ANO1: variants seen among roughly 807,000 people sequenced by gnomAD.
ANO1 encodes anoctamin-1.
Under a neutral mutation model 124.0 loss-of-function variants are expected in ANO1, and 59 were observed. The observed-to-expected ratio is 0.48, with a 90% CI of 0.39 to 0.59. ANO1 has a LOEUF of 0.59. Among genes scored for constraint, ANO1 ranks in the 20% least tolerant of loss-of-function variants. The pLI, the probability that ANO1 is intolerant of heterozygous loss-of-function variation, is 0.00. For missense variants in ANO1, 1,059 were observed against 1,328.0 expected (o/e 0.80, Z 3.15); for synonymous variants, 529 against 532.0 (o/e 0.99, Z 0.08).
rs377206237 is a variant in ANO1, at chr11:70,111,828, C to T, written c.855+66C>T. 7.2e-4 allele frequency: 1,095 copies of T among 1,520,334 alleles called. 3 individuals are homozygous for T. Among genetic ancestry groups the T allele is most frequent in the South Asian group, 1.1e-3 (101 of 88,796 alleles). The allele number at this position is 1,520,334 out of a possible 1,614,324, so 94.2% of individuals were successfully genotyped here. ...ACTCCCCAAATCCCGCCGGGCCACA[C>T]CCCCCCGGGAGCTGCAATTATCCTG... On this transcript the variant is annotated intron_variant, in intron 7 of 25. Transcript: ENST00000355303.
chr11:70,024,720 G>A (rs1257225549), intron 1 of ANO1, among the ~76,000 whole-genome samples: 1 of 152,232 alleles, frequency 6.6e-6, no homozygotes, highest in Non-Finnish European at 1.5e-5. Context: ...AGCTTGCAGA[G>A]CTGCCTCTGT....
Position 70,161,323 on chromosome 11 carries a change from G to C in ANO1, c.1741G>C (p.Glu581Gln). The change falls in exon 17 of 26, where the codon GAG becomes CAG. Residue 581 changes from glutamate to glutamine, a missense_variant. Coordinates refer to ENST00000355303, the MANE Select transcript of ANO1 (RefSeq NM_018043.7). Reference sequence around the variant, plus strand: ...CCTAGTGGTCATCATCCTCCTGGACGAGGTGTATGGCTGCATAGCCCGATG... The same window carrying C: ...CCTAGTGGTCATCATCCTCCTGGACCAGGTGTATGGCTGCATAGCCCGATG... ...INLVVIILLD[E>Q]VYGCIARWLT... The C allele has an allele frequency of 6.2e-7, 1 of 1,614,002 alleles. No homozygotes were observed. Among genetic ancestry groups the C allele is most frequent in the Non-Finnish European group, 8.5e-7 (1 of 1,179,902 alleles).
rs1478482490 is a variant in ANO1 at position 70,165,544 on chromosome 11, G to C, written c.2025G>C (p.Gln675His). Reference protein sequence around the residue: ...SIIMLGKQLIQNNLFEIGIPK... With the variant: ...SIIMLGKQLIHNNLFEIGIPK... ...TCATGCTGGGGAAACAGCTGATCCAGAACAACCTGTTCGAGATCGGCATCC... is the reference window on the plus strand; with the variant it reads ...TCATGCTGGGGAAACAGCTGATCCACAACAACCTGTTCGAGATCGGCATCC... The change falls in exon 20 of 26, where the codon CAG becomes CAC. Residue 675 changes from glutamine (Q) to histidine (H), a missense_variant. Physicochemically the swap from Gln to His is conservative, Grantham distance 24. Coordinates refer to ENST00000355303, the MANE Select transcript of ANO1 (RefSeq NM_018043.7). 27 of 1,611,942 alleles carry C rather than the reference G, an allele frequency of 1.7e-5. No homozygotes were observed. Among genetic ancestry groups the C allele is most frequent in the Non-Finnish European group, 2.2e-5 (26 of 1,179,222 alleles).
chr11:70,021,297 G>A (rs533934264), intron 1 of ANO1, among the ~76,000 whole-genome samples: 1 of 152,298 alleles, frequency 6.6e-6, no homozygotes, highest in Non-Finnish European at 1.5e-5. Context: ...AACTCCAAAT[G>A]CCAACGTGCT....
At chr11:70,141,733 G>A (rs2047161068) in intron 11 of ANO1, 1 of 152,176 alleles carries the variant, frequency 6.6e-6, no homozygotes. Context: ...CTCCTTGTGT[G>A]TTTTTTAATC....
intron 22 of ANO1, among the ~76,000 whole-genome samples, chr11:70,179,414 G>A (rs923738426): frequency 1.1e-4 from 17 of 152,218 alleles, no homozygotes; most frequent in Non-Finnish European, 2.4e-4. Flanking sequence ...AAGACGAATG[G>A]AGAGACCAGC....
rs572735290 is a variant in ANO1, at chr11:70,126,211, C to A, written c.1097+16C>A. 3.1e-6 allele frequency: 5 copies of A among 1,607,130 alleles called. No homozygotes were observed. In the Admixed American group the frequency reaches 8.4e-5, roughly 27 times the overall value. On this transcript the variant is annotated intron_variant, in intron 10 of 25. Coordinates refer to ENST00000355303, the MANE Select transcript of ANO1 (RefSeq NM_018043.7). ...ACATCCCCAGGTAGGCGGCAGCCCA[C>A]CCCCACCACCCCGCAGTACACAGAG...
At chr11:70,108,991 C>T (rs1409930600) in intron 6 of ANO1, among the ~76,000 whole-genome samples, 1 of 152,230 alleles carries the variant, frequency 6.6e-6, no homozygotes, top group Non-Finnish European at 1.5e-5. Flanking sequence ...AACCACCCCC[C>T]ACAGTGGGTC....
chr11:70,055,447 C>A (rs1256048115), intron 1 of ANO1, among the ~76,000 whole-genome samples: 7 of 151,730 alleles, frequency 4.6e-5, no homozygotes, highest in African/African-American at 1.7e-4. Context: ...AGTAAAATTT[C>A]TTATTTTGAA....
At chr11:69,968,268 G>T in the ANO1 span, among the ~76,000 whole-genome samples, 7 of 152,100 alleles carry the variant, frequency 4.6e-5, no homozygotes, top group Non-Finnish European at 8.8e-5. Flanking sequence ...TGAGCCAGGG[G>T]TGGTGGTGGG....
intron 25 of ANO1, among the ~76,000 whole-genome samples, chr11:70,186,395 G>GAAGGAAGGAAGGAAGGAAGGAAGGAAGA (rs1251399539): frequency 1.4e-5 from 2 of 145,980 alleles, no homozygotes; most frequent in African/African-American, 2.5e-5. Context: ...AGGAAGGAAG[G>GAAGGAAGGAAGGAAGGAAGGAAGGAAGA]AAGAAAGACA....
chr11:70,168,264 G>A (rs1012095811), intron 21 of ANO1, among the ~76,000 whole-genome samples: 9 of 152,110 alleles, frequency 5.9e-5, no homozygotes, highest in South Asian at 2.1e-4. Context: ...GCCTTTGCAC[G>A]AGATGTGCCC....
chr11:69,995,104 T>TTTTTTG (rs1554998191), intron 1 of ANO1, among the ~76,000 whole-genome samples: 3 of 141,676 alleles, frequency 2.1e-5, no homozygotes, highest in South Asian at 2.2e-4. Flanking sequence ...TTTTTTTTTT[T>TTTTTTG]TTTTTTTTTT....
chr11:69,981,115 G>A (rs2120253383), upstream of ANO1, among the ~76,000 whole-genome samples: 1 of 152,318 alleles, frequency 6.6e-6, no homozygotes, highest in African/African-American at 2.4e-5. Context: ...AGAAAAATAT[G>A]AAGGCAGTTA....
intron 1 of ANO1, among the ~76,000 whole-genome samples, chr11:70,029,500 A>G (rs1856964799): frequency 6.6e-6 from 1 of 152,194 alleles, no homozygotes; most frequent in Admixed American, 6.5e-5. Context: ...CTCCACCCCC[A>G]GATGACCTCA....
chr11:70,096,686 C>T (rs543751705), intron 2 of ANO1, among the ~76,000 whole-genome samples: 6 of 152,154 alleles, frequency 3.9e-5, no homozygotes, highest in South Asian at 2.1e-4. Context: ...CATAGTGAAA[C>T]CCCGTCTCTA....
Position 70,078,698 on chromosome 11 carries a change from T to C in ANO1, c.92T>C (p.Leu31Pro), listed in dbSNP as rs2044104752. The change falls in exon 1 of 26, where the codon CTG becomes CCG. Residue 31 changes from leucine to proline, a missense_variant. This residue lies in a region of ANO1 where 250 missense variants were observed against 233.1 expected (regional missense o/e 1.07). Coordinates refer to ENST00000355303, the MANE Select transcript of ANO1 (RefSeq NM_018043.7). ...NICAIEDIGY[L>P]PSEGTLLNSL... ...TGCGCCATCGAGGACATCGGCTACC[T>C]GCCGTCCGAGGGCACGGTGAGTGCG... is the stretch of plus-strand genomic sequence containing the variant. 3 of 1,484,894 alleles carry C rather than the reference T, an allele frequency of 2.0e-6. No homozygotes were observed. The highest frequency in any genetic ancestry group is 2.7e-6 in the Non-Finnish European group (3 of 1,105,932). The allele number at this position is 1,484,894 out of a possible 1,614,324, so 92.0% of individuals were successfully genotyped here. A position where few individuals can be genotyped will look rare whatever the true frequency, so the allele number is the denominator to read the frequency against.
At chr11:70,004,253 A>G (rs1026825566) in intron 1 of ANO1, among the ~76,000 whole-genome samples, 4 of 151,938 alleles carry the variant, frequency 2.6e-5, no homozygotes, top group Non-Finnish European at 5.9e-5. Flanking sequence ...TGAGCTTTAG[A>G]GTAGTGAGAT....
intron 11 of ANO1, among the ~76,000 whole-genome samples, chr11:70,148,448 C>A (rs970238684): frequency 1.3e-5 from 2 of 152,188 alleles, no homozygotes; most frequent in African/African-American, 4.8e-5. Context: ...GGTCACAGAG[C>A]TCAGTGGCTG....
Sources: gnomAD v4.1 joint callset for allele counts (sites outside exome capture counted in the v4.1 genomes callset) on GRCh38, gnomAD v4.1.1 for gene constraint, gnomAD v4.1.1 regional missense constraint, MANE v1.5 for transcripts, NCBI Gene and HGNC (gene_info 2026-07-23, HGNC 2026-07-21) for gene names.